Variants in MGST3 observed in about 807,000 individuals in gnomAD.
MGST3 encodes the protein microsomal glutathione S-transferase 3.
In MGST3, 13 loss-of-function variants were observed where a neutral mutation model predicts 15.8. The ratio of observed to expected loss-of-function variants is 0.82; its 90% confidence interval spans 0.54 to 1.31. MGST3 has a LOEUF of 1.31. Ranked by LOEUF, MGST3 falls within the 50% of genes most tolerant of loss-of-function variation. MGST3 has a pLI of 0.00. For missense variants in MGST3, 155 were observed against 192.4 expected (o/e 0.81, Z 1.15); for synonymous variants, 49 against 68.1 (o/e 0.72, Z 1.38).
intron 1 of MGST3, among the ~76,000 whole-genome samples, chr1:165,634,806 T>TCCCTC (rs1648066553): frequency 1.1e-4 from 1 of 9,034 alleles, no homozygotes; most frequent in Non-Finnish European, 2.2e-4. Flanking sequence ...CCCCCCACTC[T>TCCCTC]CAACTGTGTA....
At chr1:165,650,160 T>G in intron 2 of MGST3, 196 bp downstream of exon 2, 1 of 678,652 alleles carries the variant, frequency 1.5e-6, no homozygotes, top group East Asian at 2.9e-5. Context: ...AGGGAGTAGT[T>G]TCCATCTTGT....
intron 1 of MGST3, chr1:165,636,895 A>C (rs1301467482): frequency 1.3e-5 from 2 of 152,240 alleles, no homozygotes; most frequent in Admixed American, 1.3e-4. Flanking sequence ...TGGATGCAGA[A>C]GTTAGGCTGT....
chr1:165,651,181 C>A, intron 3 of MGST3, 94 bp downstream of exon 3: 1 of 1,041,658 alleles, frequency 9.6e-7, no homozygotes. Context: ...TTTGCTGAGT[C>A]ATAGTGATGG....
intron 4 of MGST3, among the ~76,000 whole-genome samples, chr1:165,652,945 T>C (rs1371788200): frequency 6.6e-6 from 1 of 152,222 alleles, no homozygotes; most frequent in Non-Finnish European, 1.5e-5. Flanking sequence ...GTTCCCCTTT[T>C]CTGAGGACAG....
intron 1 of MGST3, chr1:165,646,391 C>G (rs1457849077): frequency 6.6e-6 from 1 of 152,230 alleles, no homozygotes; most frequent in Non-Finnish European, 1.5e-5. Context: ...TAAGCTGATT[C>G]TTTCTTTGAA....
intron 1 of MGST3, among the ~76,000 whole-genome samples, chr1:165,636,456 C>A (rs1444759219): frequency 6.6e-6 from 1 of 152,132 alleles, no homozygotes; most frequent in Admixed American, 6.5e-5. Flanking sequence ...CGTTTATGGG[C>A]CAGGCACGGT....
intron 1 of MGST3, chr1:165,632,228 TGGGGAC>T (rs1647974012): frequency 6.2e-7 from 1 of 1,612,366 alleles, no homozygotes; most frequent in Non-Finnish European, 8.5e-7. Flanking sequence ...ATTCCTTCCC[TGGGGAC>T]AGGAGATGCC....
At chr1:165,651,653 C>T in intron 3 of MGST3, 1 of 345,654 alleles carries the variant, frequency 2.9e-6, no homozygotes, top group Non-Finnish European at 5.5e-6. Context: ...CCTGTAATCC[C>T]AGCACTTTGG....
At chr1:165,652,744 C>T (rs528642848) in intron 4 of MGST3, among the ~76,000 whole-genome samples, 60 of 152,238 alleles carry the variant, frequency 3.9e-4, no homozygotes, top group African/African-American at 1.4e-3. Context: ...AGTGAGAAGC[C>T]AATGGAGCCA....
chr1:165,649,217 G>T (rs985349922), intron 1 of MGST3: 1 of 154,750 alleles, frequency 6.5e-6, no homozygotes, highest in African/African-American at 2.4e-5. Context: ...ACCCGCACGT[G>T]CCCCAGGATC....
chr1:165,641,405 G>A (rs1225820347), intron 1 of MGST3, among the ~76,000 whole-genome samples: 1 of 152,078 alleles, frequency 6.6e-6, no homozygotes, highest in Non-Finnish European at 1.5e-5. Flanking sequence ...TGCTGTCTAC[G>A]GTAGGAAACT....
At chr1:165,647,120 T>TG (rs1350875421) in intron 1 of MGST3, 1 of 152,206 alleles carries the variant, frequency 6.6e-6, no homozygotes, top group Non-Finnish European at 1.5e-5. Flanking sequence ...GCTCTGCTTG[T>TG]CATCATCCAG....
At chr1:165,650,850 T>C (rs888568269) in intron 2 of MGST3, 164 bp from the exon 3 acceptor site, 3 of 670,656 alleles carry the variant, frequency 4.5e-6, no homozygotes, top group African/African-American at 3.5e-5. Context: ...CTTCTGAGAA[T>C]TGAGACCCTT....
intron 1 of MGST3, chr1:165,632,264 C>A: frequency 6.2e-7 from 1 of 1,612,644 alleles, no homozygotes; most frequent in Non-Finnish European, 8.5e-7. Flanking sequence ...AAGGCGCTTC[C>A]GGCTCTGCAG....
intron 1 of MGST3, chr1:165,632,219 T>C (rs1386528996): frequency 6.2e-7 from 1 of 1,611,674 alleles, no homozygotes; most frequent in African/African-American, 1.3e-5. Flanking sequence ...AGAACTTTAA[T>C]TCCTTCCCTG....
chr1:165,650,066 T>C lies in MGST3; in HGVS notation c.117+102T>C, dbSNP rs1166780121. The stretch of plus-strand genomic sequence containing the variant: ...CATGGAGGGAGAGGCAAGGAGCTAG[T>C]TGTGAGAAGTGGCAGTTTCAGGACT... On this transcript the variant is annotated intron_variant, in intron 2 of 5. Transcript: ENST00000367889. 9.0e-6 allele frequency: 14 copies of C among 1,554,496 alleles called. No individual in the cohort carries two copies. The South Asian group carries it at 1.5e-4, about 16-fold the overall frequency.
intron 3 of MGST3, chr1:165,651,765 C>T (rs1014675036): frequency 2.9e-5 from 14 of 487,912 alleles, no homozygotes; most frequent in Middle Eastern, 5.8e-4. Context: ...CATGGTGGCA[C>T]GCACCTGTAA....
chr1:165,637,248 T>C (rs181398312), intron 1 of MGST3: 1 of 152,280 alleles, frequency 6.6e-6, no homozygotes, highest in African/African-American at 2.4e-5. Flanking sequence ...AGGAGAGCAA[T>C]ATCATACACA....
chr1:165,638,366 G>C (rs61800371), intron 1 of MGST3, among the ~76,000 whole-genome samples: 20,550 of 151,826 alleles, frequency 0.14, 1,563 homozygotes, highest in Non-Finnish European at 0.16. Context: ...TGTAATATCA[G>C]CTACTTTGAG....
Sources: gnomAD v4.1 joint callset for allele counts (sites outside exome capture counted in the v4.1 genomes callset) on GRCh38, gnomAD v4.1.1 for gene constraint, MANE v1.5 for transcripts, NCBI Gene and HGNC (gene_info 2026-07-23, HGNC 2026-07-21) for gene names.